The following RARB variants were observed in gnomAD, a reference collection of about 807,000 sequenced individuals.
RARB encodes HBV-activated protein.
A neutral mutation model predicts 51.9 loss-of-function variants in RARB; 17 were observed. The observed-to-expected ratio is 0.33, with a 90% CI of 0.22 to 0.49. RARB has a LOEUF of 0.49. RARB is among the 20% of genes least tolerant of loss of function. The probability of loss-of-function intolerance (pLI) is 0.99; values close to 1 mark genes in which losing one functional copy is unlikely to be tolerated. For synonymous variants in RARB, 215 were observed against 195.4 expected (o/e 1.10, Z -0.84); for missense variants, 369 against 550.8 (o/e 0.67, Z 3.30).
intron 3 of RARB, among the ~76,000 whole-genome samples, chr3:25,526,282 T>C (rs777604022): frequency 1.3e-5 from 2 of 152,302 alleles, no homozygotes; most frequent in Admixed American, 6.5e-5. Flanking sequence ...CAATATGTCA[T>C]TGAAGAGGAA....
At chr3:25,109,907 G>A (rs918189683) in intron 3 of RARB, among the ~76,000 whole-genome samples, 1 of 152,206 alleles carries the variant, frequency 6.6e-6, no homozygotes, top group African/African-American at 2.4e-5. Context: ...AGATACCCCT[G>A]TAGGCTCCTG....
intron 2 of RARB, among the ~76,000 whole-genome samples, chr3:25,473,804 T>C (rs766305514): frequency 3.3e-5 from 5 of 151,250 alleles, no homozygotes; most frequent in African/African-American, 4.9e-5. Flanking sequence ...CATGTAATGT[T>C]TCATTTATAA....
intron 5 of RARB, among the ~76,000 whole-genome samples, chr3:25,417,919 C>T (rs1041424057): frequency 6.6e-6 from 1 of 152,206 alleles, no homozygotes; most frequent in African/African-American, 2.4e-5. Context: ...CAGTACTCCA[C>T]ATGGACATTC....
At chr3:25,552,010 C>T (rs897704719) in intron 3 of RARB, among the ~76,000 whole-genome samples, 6 of 152,098 alleles carry the variant, frequency 3.9e-5, no homozygotes, top group African/African-American at 1.4e-4. Context: ...AGTCAAGAGG[C>T]ATCCTAAAAA....
chr3:25,592,560 T>A (rs910539445), intron 5 of RARB, among the ~76,000 whole-genome samples: 2 of 152,154 alleles, frequency 1.3e-5, no homozygotes, highest in Non-Finnish European at 1.5e-5. Flanking sequence ...CAGGATTGAG[T>A]ATCTACAGAA....
intron 2 of RARB, among the ~76,000 whole-genome samples, chr3:24,880,803 G>A (rs1011220218): frequency 6.6e-6 from 1 of 152,094 alleles, no homozygotes; most frequent in African/African-American, 2.4e-5. Context: ...ACTTTATTTT[G>A]GGACATATAG....
At chr3:25,098,003 C>T (rs948220537) in intron 3 of RARB, among the ~76,000 whole-genome samples, 9 of 152,218 alleles carry the variant, frequency 5.9e-5, no homozygotes, top group Admixed American at 3.9e-4. Flanking sequence ...GACCAGTCCA[C>T]AGTACCATGT....
At chr3:25,150,730 C>T (rs1229071793) in intron 4 of RARB, among the ~76,000 whole-genome samples, 1 of 152,146 alleles carries the variant, frequency 6.6e-6, no homozygotes, top group Non-Finnish European at 1.5e-5. Context: ...GAAAGAACTT[C>T]TTTGAACTTC....
chr3:25,370,669 G>C (rs769105108), intron 5 of RARB, among the ~76,000 whole-genome samples: 3 of 152,186 alleles, frequency 2.0e-5, no homozygotes, highest in Non-Finnish European at 2.9e-5. Flanking sequence ...ATGGGTAGGA[G>C]AGGAGGCAGA....
At chr3:25,119,215 G>A (rs114527848) in intron 3 of RARB, among the ~76,000 whole-genome samples, 240 of 152,244 alleles carry the variant, frequency 1.6e-3, no homozygotes, top group Non-Finnish European at 3.1e-3. Flanking sequence ...GTTTGAACTT[G>A]TTTGAACAGG....
chr3:25,004,026 G>T (rs911967134), intron 2 of RARB, among the ~76,000 whole-genome samples: 1 of 152,134 alleles, frequency 6.6e-6, no homozygotes, highest in Non-Finnish European at 1.5e-5. Context: ...TTTAGTAGCT[G>T]AGCCAAGAAA....
At chr3:24,840,983 A>G (rs985379336) in intron 1 of RARB, among the ~76,000 whole-genome samples, 2 of 152,184 alleles carry the variant, frequency 1.3e-5, no homozygotes, top group African/African-American at 2.4e-5. Flanking sequence ...TTCACATGCA[A>G]TGAGGGGTTT....
At chr3:25,350,233 G>T (rs1575332606) in intron 5 of RARB, among the ~76,000 whole-genome samples, 1 of 152,180 alleles carries the variant, frequency 6.6e-6, no homozygotes, top group African/African-American at 2.4e-5. Context: ...AGCAAGTGTG[G>T]GTCTTTGGAG....
intron 5 of RARB, among the ~76,000 whole-genome samples, chr3:25,219,470 T>C (rs73042352): frequency 0.087 from 13,308 of 152,264 alleles, 759 homozygotes; most frequent in Non-Finnish European, 0.13. Context: ...AACTTATTGT[T>C]GTGGTCAAAA....
Position 25,108,811 on chromosome 3 carries a change from A to T in RARB, c.-327-23350A>T, listed in dbSNP as rs73141492. Among the ~76,000 whole-genome samples, 1,486 of 152,198 alleles carry T rather than the reference A, an allele frequency of 9.8e-3. 25 individuals are homozygous for T. Among genetic ancestry groups the T allele is most frequent in the African/African-American group, 0.034 (1,398 of 41,498 alleles). ...ACTGCATTTTTTTATAATTAAGCTA[A>T]TTTTTTTCAACTTTCCTAAAACTAT... On this transcript the variant is annotated intron_variant, in intron 3 of 11. Transcript: ENST00000383772.
intron 5 of RARB, among the ~76,000 whole-genome samples, chr3:25,361,212 C>T (rs1170840164): frequency 1.3e-5 from 2 of 152,126 alleles, no homozygotes; most frequent in Non-Finnish European, 2.9e-5. Flanking sequence ...TGTCTTTACG[C>T]TTTATTTCAT....
intron 5 of RARB, among the ~76,000 whole-genome samples, chr3:25,201,531 A>T (rs1253284276): frequency 6.6e-6 from 1 of 152,160 alleles, no homozygotes; most frequent in Non-Finnish European, 1.5e-5. Flanking sequence ...GAATGCTTCC[A>T]GTTTTTGTCC....
At chr3:25,112,277 C>T (rs1032127540) in intron 3 of RARB, among the ~76,000 whole-genome samples, 1 of 152,084 alleles carries the variant, frequency 6.6e-6, no homozygotes, top group East Asian at 1.9e-4. Flanking sequence ...ATATAGAGGC[C>T]ACATGATGAA....
chr3:25,110,854 A>AT (rs1316772717), intron 3 of RARB, among the ~76,000 whole-genome samples: 3 of 152,144 alleles, frequency 2.0e-5, no homozygotes, highest in African/African-American at 7.2e-5. Context: ...TCTCATCCTC[A>AT]TTTCTCAGGG....
Sources: gnomAD v4.1 joint callset for allele counts (sites outside exome capture counted in the v4.1 genomes callset) on GRCh38, gnomAD v4.1.1 for gene constraint, MANE v1.5 for transcripts, NCBI Gene and HGNC (gene_info 2026-07-23, HGNC 2026-07-21) for gene names.